Variants in PNPLA7 observed in about 807,000 individuals in gnomAD.
PNPLA7 encodes patatin-like phospholipase domain-containing protein 7.
Under a neutral mutation model 161.7 loss-of-function variants are expected in PNPLA7, and 153 were observed. The observed-to-expected ratio is 0.95, with a 90% confidence interval of 0.83 to 1.08. PNPLA7 has a LOEUF of 1.08. PNPLA7 is among the 50% of genes least tolerant of loss of function. The pLI, the probability that PNPLA7 is intolerant of heterozygous loss-of-function variation, is 0.00. For synonymous variants in PNPLA7, 809 were observed against 782.1 expected (o/e 1.03, Z -0.57); for missense variants, 1,739 against 1,856.6 (o/e 0.94, Z 1.16).
At chr9:137,493,179 A>G (rs1020046543) in intron 19 of PNPLA7, 97 bp from the exon 20 acceptor site, 76 of 1,261,470 alleles carry the variant, frequency 6.0e-5, no homozygotes, top group East Asian at 1.2e-4. Context: ...GACTCAGCCA[A>G]TGGCGCTGGA....
At chr9:137,491,922 A>G (rs1005188933) in intron 20 of PNPLA7, 1 of 985,468 alleles carries the variant, frequency 1.0e-6, no homozygotes, top group African/African-American at 1.7e-5. Flanking sequence ...TGGGGAGGCC[A>G]GGGAGGCTGT....
rs200124849 is a variant in PNPLA7 at position 137,462,669 on chromosome 9, C to G, written c.3492+16G>C. The G allele has an allele frequency of 3.7e-6, 6 of 1,612,660 alleles. No individual in the cohort carries two copies. The highest frequency in any genetic ancestry group is 5.1e-6 in the Non-Finnish European group (6 of 1,179,388). Reference sequence around the variant, plus strand: ...GGAGCAGCAGGGACAGCCCAGCCTGCCCGGTAGCACCCCACCTTGACTTTC... The same window carrying G: ...GGAGCAGCAGGGACAGCCCAGCCTGGCCGGTAGCACCCCACCTTGACTTTC... On this transcript the variant is annotated intron_variant, in intron 30 of 34. Transcript: ENST00000406427.
rs1554756242 is a variant in PNPLA7, at chr9:137,462,197, G to C, written c.3627C>G (p.Gly1209=). 1.9e-6 allele frequency: 3 copies of C among 1,569,994 alleles called. No individual in the cohort carries two copies. Among genetic ancestry groups the C allele is most frequent in the East Asian group, 4.5e-5 (2 of 44,214 alleles). The change falls in exon 31 of 35, where the codon GGC becomes GGG. Residue 1209 remains glycine, a synonymous_variant. Transcript: ENST00000406427. ...PIDSYSTLDF[G]KFNEICEVGY... ...CACTCACGCAGATCTCGTTGAACTT[G>C]CCGAAGTCCAGGGTGCTGTAGCTGT...
At chr9:137,497,657 A>T (rs1381146869) in intron 17 of PNPLA7, among the ~76,000 whole-genome samples, 1 of 152,150 alleles carries the variant, frequency 6.6e-6, no homozygotes, top group South Asian at 2.1e-4. Context: ...CCTCCCAGGT[A>T]GCTGGGATTA....
In PNPLA7 at chr9:137,540,923, G is replaced by T; in HGVS notation, c.667-201C>A. 1 of 553,594 alleles carries T rather than the reference G, an allele frequency of 1.8e-6. No individual in the cohort carries two copies. The allele number at this position is 553,594 out of a possible 1,614,324, so 34.3% of individuals were successfully genotyped here. A position where few individuals can be genotyped will look rare whatever the true frequency, so the allele number is the denominator to read the frequency against. On this transcript the variant is annotated intron_variant, in intron 7 of 34. Coordinates refer to ENST00000406427, the MANE Select transcript of PNPLA7 (RefSeq NM_001098537.3). The surrounding 1 kb of genome is among the most constrained non-coding windows in gnomAD (Gnocchi z 5.1). ...GGGGTACAACACACAGGAAGCGGCA[G>T]CAAGGAAAACAGACGGAGGAGACCC...
In PNPLA7 at chr9:137,524,446, G is replaced by A. The variant is rs910543761; in HGVS notation, c.748-1589C>T. On this transcript the variant is annotated intron_variant, in intron 8 of 34. Transcript: ENST00000406427. This position sits in a 1 kb window ranked among gnomAD's most constrained non-coding sequence, Gnocchi z 4.4. ...TGTCTCCTCGTGAAGGCCTCGCAGG[G>A]TCTCCGTCCATTCAGCAGTCGAAGG... Among the ~76,000 whole-genome samples the A allele has an allele frequency of 6.6e-6, 1 of 152,222 alleles. No individual in the cohort carries two copies. The highest frequency in any genetic ancestry group is 1.5e-5 in the Non-Finnish European group (1 of 68,046).
At chr9:137,529,663 T>G (rs991303080) in intron 8 of PNPLA7, among the ~76,000 whole-genome samples, 2 of 150,506 alleles carry the variant, frequency 1.3e-5, no homozygotes, top group African/African-American at 2.5e-5. Flanking sequence ...TTTGTTTTTT[T>G]TTTTTTTTTT....
At chr9:137,474,103 G>T (rs1323868015) in intron 25 of PNPLA7, among the ~76,000 whole-genome samples, 2 of 152,170 alleles carry the variant, frequency 1.3e-5, no homozygotes, top group Admixed American at 1.3e-4. Context: ...GCTGGGTGTG[G>T]TGGTGGGTGC....
Position 137,462,697 on chromosome 9 carries a change from G to A in PNPLA7, c.3480C>T (p.Ala1160=). The change falls in exon 30 of 35, where the codon GCC becomes GCT. Residue 1160 remains alanine, a synonymous_variant. Transcript: ENST00000406427. ...WLLWKRWNPL[A]TKVKVLNMAE... is the part of the protein sequence containing the mutation. ...GGTAGCACCCCACCTTGACTTTCGT[G>A]GCCAAGGGGTTCCAGCGTTTCCACA... The A allele has an allele frequency of 6.2e-7, 1 of 1,613,784 alleles. No homozygotes were observed. Among genetic ancestry groups the A allele is most frequent in the African/African-American group, 1.3e-5 (1 of 75,040 alleles).
chr9:137,492,437 C>G, intron 20 of PNPLA7: 13 of 100,744 alleles, frequency 1.3e-4, no homozygotes, highest in South Asian at 3.6e-4. Context: ...TTACTGGGCT[C>G]GGGTGGGCGG....
Position 137,537,975 on chromosome 9 carries a change from C to T in PNPLA7, c.747+2667G>A, listed in dbSNP as rs183740332. On this transcript the variant is annotated intron_variant, in intron 8 of 34. Coordinates refer to ENST00000406427, the MANE Select transcript of PNPLA7 (RefSeq NM_001098537.3). This position sits in a 1 kb window ranked among gnomAD's most constrained non-coding sequence, Gnocchi z 4.5. ...CACGTAGACCAAAGCTCCTGTGGTCCTTTCCCAGTTTTTCTCAGGCCCACA... is the reference window on the plus strand; with the variant it reads ...CACGTAGACCAAAGCTCCTGTGGTCTTTTCCCAGTTTTTCTCAGGCCCACA... Among the ~76,000 whole-genome samples the T allele has an allele frequency of 9.1e-4, 139 of 152,298 alleles. No homozygotes were observed. Among genetic ancestry groups the T allele is most frequent in the African/African-American group, 2.7e-3 (113 of 41,550 alleles).
chr9:137,529,986 A>T (rs1466219020), intron 8 of PNPLA7, among the ~76,000 whole-genome samples: 4 of 147,540 alleles, frequency 2.7e-5, no homozygotes, highest in African/African-American at 1.0e-4. Flanking sequence ...TTTTCCTGAG[A>T]TACAGTCTTG....
At chr9:137,498,923 G>C (rs1029180961) in intron 16 of PNPLA7, among the ~76,000 whole-genome samples, 1 of 152,216 alleles carries the variant, frequency 6.6e-6, no homozygotes, top group Non-Finnish European at 1.5e-5. Flanking sequence ...GGCAAAAGCA[G>C]GAGGAAGAGC....
Position 137,501,696 on chromosome 9 carries a change from A to G in PNPLA7, c.1505T>C (p.Leu502Pro), listed in dbSNP as rs1053126503. 2.5e-6 allele frequency: 4 copies of G among 1,612,562 alleles called. No individual in the cohort carries two copies. The highest frequency in any genetic ancestry group is 3.4e-6 in the Non-Finnish European group (4 of 1,179,898). The change falls in exon 15 of 35, where the codon CTT (leucine) becomes CCT (proline). Residue 502 changes from leucine (L) to proline (P), a missense_variant. By Grantham distance (98) the Leu-to-Pro change is moderately conservative (BLOSUM62 -3). Coordinates refer to ENST00000406427, the MANE Select transcript of PNPLA7 (RefSeq NM_001098537.3). ...DSSLLDGRVA[L>P]LHVPAGTVVS... ...CACCGTGCCTGCAGGAACGTGCAGAAGCGCCACCCGGCCATCCAACAGAGA... is the reference window on the plus strand; with the variant it reads ...CACCGTGCCTGCAGGAACGTGCAGAGGCGCCACCCGGCCATCCAACAGAGA...
At position 137,467,397 on chromosome 9, in the gene PNPLA7, T is replaced by C; in HGVS notation, c.2959A>G (p.Ile987Val). The C allele has an allele frequency of 1.2e-6, 2 of 1,613,506 alleles. No homozygotes were observed. The highest frequency in any genetic ancestry group is 1.1e-5 in the South Asian group (1 of 91,086). The change falls in exon 26 of 35, where the codon ATC (isoleucine) becomes GTC (valine). Residue 987 changes from isoleucine to valine, a missense_variant. Physicochemically the swap from Ile to Val is conservative, Grantham distance 29 (BLOSUM62 3). Transcript: ENST00000406427. The surrounding 1 kb of genome is among the most constrained non-coding windows in gnomAD (Gnocchi z 5.1). ...IPVDMVGGTS[I>V]GAFVGALYSE... Reference sequence around the variant, plus strand: ...TACAGGGCACCCACGAAGGCCCCGATGGACGTGCCTCCCACCATGTCCACA... The same window carrying C: ...TACAGGGCACCCACGAAGGCCCCGACGGACGTGCCTCCCACCATGTCCACA...
At position 137,478,088 on chromosome 9, in the gene PNPLA7, G is replaced by A. The variant is rs867273500; in HGVS notation, c.2828C>T (p.Ala943Val). 12 of 1,388,632 alleles carry A rather than the reference G, an allele frequency of 8.6e-6. No homozygotes were observed. The highest frequency in any genetic ancestry group is 1.0e-5 in the Non-Finnish European group (11 of 1,068,184). 86.0% of individuals were successfully genotyped at this position (1,388,632 alleles called of 1,614,324 possible). The change falls in exon 25 of 35, where the codon GCG becomes GTG. Residue 943 changes from alanine (A) to valine (V), a missense_variant. Transcript: ENST00000406427. ...AATGGCGTTGCCCGTCAGCACCCTC[G>A]CCAGGCGGGAGAAGTCTGAGTGTCG... The part of the protein sequence containing the change: ...PDRHSDFSRL[A>V]RVLTGNAIAL...
At chr9:137,504,272 C>T (rs1049728630) in intron 14 of PNPLA7, among the ~76,000 whole-genome samples, 3 of 151,962 alleles carry the variant, frequency 2.0e-5, no homozygotes, top group Middle Eastern at 3.4e-3. Flanking sequence ...TGTGCAGTGG[C>T]GCAATCTTGG....
intron 21 of PNPLA7, among the ~76,000 whole-genome samples, chr9:137,481,305 C>T (rs978758443): frequency 4.6e-5 from 7 of 152,214 alleles, no homozygotes; most frequent in African/African-American, 1.2e-4. Flanking sequence ...CTCTGAGCCT[C>T]GGTCCCCTCC....
intron 20 of PNPLA7, chr9:137,491,718 G>A (rs951003554): frequency 2.0e-6 from 2 of 985,338 alleles, no homozygotes; most frequent in African/African-American, 1.7e-5. Flanking sequence ...GTGGCCCTCT[G>A]TGCATCCATC....
Sources: gnomAD v4.1 joint callset for allele counts (sites outside exome capture counted in the v4.1 genomes callset) on GRCh38, gnomAD v4.1.1 for gene constraint, Gnocchi (gnomAD v3.1) non-coding constraint, MANE v1.5 for transcripts, NCBI Gene and HGNC (gene_info 2026-07-23, HGNC 2026-07-21) for gene names.